CCDC157: variants seen among roughly 807,000 people sequenced by gnomAD.
The protein encoded by CCDC157 is coiled-coil domain-containing protein 157.
Under a neutral mutation model 70.9 loss-of-function variants are expected in CCDC157, and 60 were observed. The observed-to-expected ratio is 0.85, with a 90% CI of 0.69 to 1.05. CCDC157 has a LOEUF of 1.05. Ranked by LOEUF, CCDC157 falls within the 50% of genes least tolerant of loss-of-function variation. CCDC157 has a pLI of 0.00. For missense variants in CCDC157, 943 were observed against 984.2 expected (o/e 0.96, Z 0.56); for synonymous variants, 373 against 422.4 (o/e 0.88, Z 1.43).
intron 5 of CCDC157, 150 bp downstream of exon 5, chr22:30,371,100 C>A: frequency 1.1e-6 from 1 of 941,594 alleles, no homozygotes. Context: ...GGGAGGGCAG[C>A]AAGGAAGGGG....
intron 9 of CCDC157, chr22:30,375,041 C>G: frequency 9.5e-6 from 3 of 316,856 alleles, no homozygotes; most frequent in South Asian, 8.0e-5. Context: ...TCACTGCAAC[C>G]TCCACCTCCT....
rs546676831 is a variant in CCDC157, at chr22:30,370,885, G to A, written c.980G>A (p.Arg327Gln). 2.0e-5 allele frequency: 32 copies of A among 1,611,386 alleles called. No individual in the cohort carries two copies. The highest frequency in any genetic ancestry group is 7.7e-5 in the South Asian group (7 of 90,892). ...AAACAGGAGCAGGGGGCACGGCGGC[G>A]ACAGGCGGAGGAGGATGAGCAGTGC... The part of the protein sequence containing the change: ...ALKQEQGARR[R>Q]QAEEDEQCLS... The change falls in exon 5 of 12, where the codon CGA becomes CAA. Residue 327 changes from arginine (R) to glutamine (Q), a missense_variant. Transcript: ENST00000338306.
Position 30,370,514 on chromosome 22 carries a change from C to G in CCDC157, c.609C>G (p.Phe203Leu), listed in dbSNP as rs1465723901. The change falls in exon 5 of 12, where the codon TTC (phenylalanine) becomes TTG (leucine). Residue 203 changes from phenylalanine (F) to leucine (L), a missense_variant. By Grantham distance (22) the Phe-to-Leu change is conservative (BLOSUM62 0). Transcript: ENST00000338306. ...RASLQFPATT[F>L]KNTRSVHSQT... ...CCCTGCAGTTCCCAGCCACGACCTT[C>G]AAGAACACCAGGAGTGTCCACTCCC... 1 of 1,614,106 alleles carries G rather than the reference C, an allele frequency of 6.2e-7. No individual in the cohort carries two copies. Among genetic ancestry groups the G allele is most frequent in the South Asian group, 1.1e-5 (1 of 91,090 alleles).
chr22:30,375,857 A>C, intron 10 of CCDC157, 194 bp downstream of exon 10: 1 of 600,442 alleles, frequency 1.7e-6, no homozygotes, highest in Non-Finnish European at 2.9e-6. Context: ...CCAGTCCCAT[A>C]TGCCCTCTAT....
At chr22:30,365,761 G>A (rs1382599319) in intron 2 of CCDC157, among the ~76,000 whole-genome samples, 1 of 152,204 alleles carries the variant, frequency 6.6e-6, no homozygotes, top group Non-Finnish European at 1.5e-5. Context: ...CTTATGGAGT[G>A]ATGGACTCTG....
chr22:30,372,104 G>A lies in CCDC157; in HGVS notation c.1153G>A (p.Gly385Ser), dbSNP rs746982307. ...AAAGGCCCAGCAGCTGCAGGAGGAAGGTGAGCGCAGGGCGGCAGCGGAGAG... is the reference window on the plus strand; with the variant it reads ...AAAGGCCCAGCAGCTGCAGGAGGAAAGTGAGCGCAGGGCGGCAGCGGAGAG... Reference protein sequence around the residue: ...EAKAQQLQEEGERRAAAERQV... With the variant: ...EAKAQQLQEESERRAAAERQV... Residue 385 changes from glycine (G) to serine (S), a missense_variant, in exon 7 of 12, where the codon GGT becomes AGT. Gly to Ser is a moderately conservative substitution (Grantham distance 56). Coordinates refer to ENST00000338306, the MANE Select transcript of CCDC157 (RefSeq NM_001017437.5). 2 of 1,553,436 alleles carry A rather than the reference G, an allele frequency of 1.3e-6. No homozygotes were observed. Among genetic ancestry groups the A allele is most frequent in the Non-Finnish European group, 1.7e-6 (2 of 1,148,812 alleles).
Position 30,357,146 on chromosome 22 carries a change from C to A in CCDC157, c.-166+14C>A, listed in dbSNP as rs937139102. The A allele has an allele frequency of 4.6e-6, 1 of 218,320 alleles. No individual in the cohort carries two copies. The highest frequency in any genetic ancestry group is 2.3e-5 in the African/African-American group (1 of 43,830). 13.5% of individuals were successfully genotyped at this position (218,320 alleles called of 1,614,324 possible). On this transcript the variant is annotated intron_variant, in intron 1 of 11. Transcript: ENST00000338306. ...CGCCGAAGACAGGTGAGATGTTGTACGTCACCCGCCGGACCCCCGCCGCAC... is the reference window on the plus strand; with the variant it reads ...CGCCGAAGACAGGTGAGATGTTGTAAGTCACCCGCCGGACCCCCGCCGCAC...
At chr22:30,369,270 G>C in intron 3 of CCDC157, 162 bp from the exon 4 acceptor site, 1 of 542,794 alleles carries the variant, frequency 1.8e-6, no homozygotes, top group Non-Finnish European at 2.9e-6. Context: ...TGAGGAAGTA[G>C]CCCCTGGGTT....
At chr22:30,369,380 G>A in intron 3 of CCDC157, 52 bp from the exon 4 acceptor site, 2 of 1,426,554 alleles carry the variant, frequency 1.4e-6, no homozygotes, top group Non-Finnish European at 1.9e-6. Context: ...TATGGTCTGA[G>A]GGTATGTTAG....
chr22:30,368,166 G>T (rs1932796123), intron 3 of CCDC157, among the ~76,000 whole-genome samples: 1 of 152,216 alleles, frequency 6.6e-6, no homozygotes, highest in Non-Finnish European at 1.5e-5. Flanking sequence ...AGAAGCCAGG[G>T]TTACCACTCT....
Position 30,357,011 on chromosome 22 carries a change from C to A in CCDC157, c.-287C>A. On this transcript the variant is annotated 5_prime_UTR_variant, in exon 1 of 12. Coordinates refer to ENST00000338306, the MANE Select transcript of CCDC157 (RefSeq NM_001017437.5). ...GGCACCGCGGCGTCCGACGCCGTTG[C>A]CAAGGCAGCGGCCTGAGCGCCCGGC... is the stretch of plus-strand genomic sequence containing the variant. The A allele has an allele frequency of 2.4e-6, 1 of 412,060 alleles. No homozygotes were observed. Among genetic ancestry groups the A allele is most frequent in the Non-Finnish European group, 4.2e-6 (1 of 240,214 alleles). 25.5% of individuals were successfully genotyped at this position (412,060 alleles called of 1,614,324 possible).
In CCDC157 at chr22:30,366,162, C is replaced by T. The variant is rs188579166; in HGVS notation, c.162C>T (p.Ala54=). The T allele has an allele frequency of 5.5e-5, 88 of 1,613,868 alleles. 1 individual carries two copies. In the Middle Eastern group the frequency reaches 9.9e-4, roughly 18 times the overall value. Residue 54 remains alanine, a synonymous_variant, in exon 3 of 12, where the codon GCC becomes GCT. Coordinates refer to ENST00000338306, the MANE Select transcript of CCDC157 (RefSeq NM_001017437.5). ...TGGCCTGTGACCTCGACATGGTGGC[C>T]CTGCTGGAGCACTATGACCATGTTC... The part of the protein sequence containing the change: ...DRMACDLDMV[A]LLEHYDHVPG...
chr22:30,371,664 A>G lies in CCDC157; in HGVS notation c.1060A>G (p.Lys354Glu). 1 of 1,614,150 alleles carries G rather than the reference A, an allele frequency of 6.2e-7. No homozygotes were observed. Among genetic ancestry groups the G allele is most frequent in the South Asian group, 1.1e-5 (1 of 91,088 alleles). ...QQLLTETSDL[K>E]TKMATLEREL... is the part of the protein sequence containing the mutation. ...GGCTGCCATAGAAACAAGTGACCTA[A>G]AGACAAAGATGGCCACCCTGGAGAG... Residue 354 changes from lysine to glutamate, a missense_variant, in exon 6 of 12, where the codon AAG (lysine) becomes GAG (glutamate). Lys to Glu is a moderately conservative substitution (Grantham distance 56). Transcript: ENST00000338306.
intron 5 of CCDC157, chr22:30,371,362 C>A: frequency 1.9e-6 from 1 of 521,042 alleles, no homozygotes; most frequent in Non-Finnish European, 3.4e-6. Context: ...GGCCAGTGCC[C>A]ACTGATGGGA....
At position 30,376,935 on chromosome 22, in the gene CCDC157, C is replaced by T; in HGVS notation, c.*190C>T. ...ATGTAGTTCAGTCAGTCAGCAGAGT[C>T]CTGGCACTATGGGCCCTCAGTAAAA... On this transcript the variant is annotated 3_prime_UTR_variant, in exon 12 of 12. Coordinates refer to ENST00000338306, the MANE Select transcript of CCDC157 (RefSeq NM_001017437.5). 1.6e-6 allele frequency: 1 copy of T among 621,226 alleles called. No homozygotes were observed. The highest frequency in any genetic ancestry group is 2.8e-6 in the Non-Finnish European group (1 of 356,694). 38.5% of individuals were successfully genotyped at this position (621,226 alleles called of 1,614,324 possible).
intron 2 of CCDC157, among the ~76,000 whole-genome samples, chr22:30,362,848 A>G (rs1205740266): frequency 6.6e-6 from 1 of 152,190 alleles, no homozygotes; most frequent in Non-Finnish European, 1.5e-5. Flanking sequence ...AGGTGCACTC[A>G]GTGGGGTGCC....
At chr22:30,356,860 C>G (rs910460888), upstream of CCDC157, 74 of 1,235,994 alleles carry the variant, frequency 6.0e-5, no homozygotes, top group African/African-American at 1.0e-3. Context: ...AGACAGCCTC[C>G]CCGCTCGGTC....
intron 3 of CCDC157, chr22:30,366,607 T>A (rs1601725693): frequency 3.0e-6 from 1 of 328,738 alleles, no homozygotes; most frequent in East Asian, 6.9e-5. Flanking sequence ...TCTCAGAGTT[T>A]CCATTCCGGG....
chr22:30,372,860 C>G, intron 7 of CCDC157: 1 of 153,680 alleles, frequency 6.5e-6, no homozygotes, highest in East Asian at 1.9e-4. Flanking sequence ...AGCAAGGAGC[C>G]AGGAGTTCAG....
Sources: allele counts gnomAD v4.1 joint callset (sites outside exome capture counted in the v4.1 genomes callset), GRCh38; gene constraint gnomAD v4.1.1; transcripts MANE v1.5; gene names NCBI Gene and HGNC (gene_info 2026-07-23, HGNC 2026-07-21).